FRMD3: variants seen among roughly 807,000 people sequenced by gnomAD.
FRMD3 encodes the protein FERM domain-containing protein 3.
Under a neutral mutation model 70.2 loss-of-function variants are expected in FRMD3, and 33 were observed. That is an observed-to-expected ratio of 0.47 (90% CI 0.36 to 0.63). FRMD3 has a LOEUF of 0.63. FRMD3 is among the 20% of genes least tolerant of loss of function. FRMD3 has a pLI of 0.00. For synonymous variants in FRMD3, 279 were observed against 255.9 expected, an observed-to-expected ratio of 1.09 and a Z score of -0.86; for missense variants, 632 against 711.4, an observed-to-expected ratio of 0.89 and a Z score of 1.27.
chr9:83,407,488 C>G (rs901455914), intron 1 of FRMD3, among the ~76,000 whole-genome samples: 1 of 152,120 alleles, frequency 6.6e-6, no homozygotes. Flanking sequence ...TTTAAAAAGG[C>G]ATTCGGCTCC....
At chr9:83,453,909 G>T (rs959455958) in intron 1 of FRMD3, among the ~76,000 whole-genome samples, 3 of 151,790 alleles carry the variant, frequency 2.0e-5, no homozygotes, top group Non-Finnish European at 2.9e-5. Context: ...TAGAGACGGG[G>T]TTTTGCCGTG....
chr9:83,331,927 A>G, intron 6 of FRMD3: 1 of 715,012 alleles, frequency 1.4e-6, no homozygotes, highest in Non-Finnish European at 2.6e-6. Flanking sequence ...GAGAGTTGTA[A>G]GCAGAAGTGC....
chr9:83,505,443 G>A (rs1829160681), intron 1 of FRMD3, among the ~76,000 whole-genome samples: 1 of 152,132 alleles, frequency 6.6e-6, no homozygotes, highest in Non-Finnish European at 1.5e-5. Flanking sequence ...GGGCCGTTTT[G>A]TTTACTAAGA....
At chr9:83,350,213 G>A (rs541983661) in intron 3 of FRMD3, among the ~76,000 whole-genome samples, 7 of 152,312 alleles carry the variant, frequency 4.6e-5, no homozygotes, top group Admixed American at 4.6e-4. Context: ...TTCCCAAAAT[G>A]ATGGTGTCTC....
chr9:83,456,360 G>A (rs2131427228), intron 1 of FRMD3, among the ~76,000 whole-genome samples: 1 of 152,286 alleles, frequency 6.6e-6, no homozygotes, highest in African/African-American at 2.4e-5. Flanking sequence ...CAGTGCTGCT[G>A]TGAAGCCTCC....
intron 1 of FRMD3, among the ~76,000 whole-genome samples, chr9:83,460,021 C>A (rs933811104): frequency 6.6e-6 from 1 of 152,208 alleles, no homozygotes; most frequent in Non-Finnish European, 1.5e-5. Flanking sequence ...AGGGCCCCAC[C>A]CTCAGGACCT....
At chr9:83,410,813 T>C (rs982768003) in intron 1 of FRMD3, among the ~76,000 whole-genome samples, 1 of 152,192 alleles carries the variant, frequency 6.6e-6, no homozygotes, top group African/African-American at 2.4e-5. Context: ...CCAGCATCTG[T>C]TGTTTTTGAC....
intron 1 of FRMD3, among the ~76,000 whole-genome samples, chr9:83,517,669 C>T (rs1351917085): frequency 4.6e-5 from 7 of 152,104 alleles, no homozygotes; most frequent in Admixed American, 6.6e-5. Context: ...TACATTAAAA[C>T]CTGGCAGAGA....
At chr9:83,447,312 C>T (rs1460805457) in intron 1 of FRMD3, among the ~76,000 whole-genome samples, 1 of 152,156 alleles carries the variant, frequency 6.6e-6, no homozygotes, top group Admixed American at 6.5e-5. Flanking sequence ...CGTGAGCCAC[C>T]GCGCCCGGCC....
chr9:83,561,911 C>A, the FRMD3 span, among the ~76,000 whole-genome samples: 1 of 152,316 alleles, frequency 6.6e-6, no homozygotes, highest in African/African-American at 2.4e-5. Flanking sequence ...CTAAGCTGCA[C>A]CACAATTCAC....
intron 11 of FRMD3, 68 bp downstream of exon 11, chr9:83,299,044 C>T (rs1204684407): frequency 1.7e-6 from 2 of 1,205,286 alleles, no homozygotes; most frequent in Admixed American, 1.7e-5. Flanking sequence ...TATTTGCAAG[C>T]AGAATTTTGA....
At chr9:83,496,736 A>G (rs1295405293) in intron 1 of FRMD3, among the ~76,000 whole-genome samples, 1 of 152,206 alleles carries the variant, frequency 6.6e-6, no homozygotes, top group Non-Finnish European at 1.5e-5. Flanking sequence ...GTTCTTATGA[A>G]TGAACACTGT....
chr9:83,414,058 C>T (rs532259884), intron 1 of FRMD3, among the ~76,000 whole-genome samples: 3 of 152,116 alleles, frequency 2.0e-5, no homozygotes, highest in South Asian at 4.1e-4. Context: ...ATAAAATTCA[C>T]GCAACACACA....
At chr9:83,498,979 T>G (rs74835320) in intron 1 of FRMD3, among the ~76,000 whole-genome samples, 1 of 152,120 alleles carries the variant, frequency 6.6e-6, no homozygotes, top group Non-Finnish European at 1.5e-5. Context: ...GTTTGCAAAA[T>G]GAGTATGTTA....
rs2131299722 is a variant in FRMD3 at position 83,391,145 on chromosome 9, TTTTGAG to T, written c.148-1443_148-1438del. Among the ~76,000 whole-genome samples, 2 of 152,352 alleles carry T rather than the reference TTTTGAG, an allele frequency of 1.3e-5. 1 individual carries two copies. Among genetic ancestry groups the T allele is most frequent in the Admixed American group, 1.3e-4 (2 of 15,302 alleles). On this transcript the variant is annotated intron_variant, in intron 1 of 13. Transcript: ENST00000304195. ...GAAACCTCCATTTTCCTGAAATCAC[TTTTGAG>T]TTTGATTTTGAATAAGCTTCAAGTT... is the stretch of plus-strand genomic sequence containing the variant.
At chr9:83,243,291 G>A (rs936687178), downstream of FRMD3, 29 of 1,418,686 alleles carry the variant, frequency 2.0e-5, no homozygotes, top group Non-Finnish European at 2.7e-5. Flanking sequence ...AGTAAGCAGC[G>A]ACCTTCAGCA....
At chr9:83,339,427 G>C (rs1337451641) in intron 5 of FRMD3, among the ~76,000 whole-genome samples, 1 of 152,180 alleles carries the variant, frequency 6.6e-6, no homozygotes, top group East Asian at 1.9e-4. Context: ...TGGAGGCCCT[G>C]CGGTTTGAAA....
intron 13 of FRMD3, among the ~76,000 whole-genome samples, chr9:83,261,484 A>C (rs12339855): frequency 6.6e-6 from 1 of 152,026 alleles, no homozygotes; most frequent in East Asian, 1.9e-4. Flanking sequence ...CAGATCACTC[A>C]ACCTCTGAGG....
the FRMD3 span, among the ~76,000 whole-genome samples, chr9:83,568,658 GAGAAT>G: frequency 0.16 from 24,900 of 151,968 alleles, 2,321 homozygotes; most frequent in Non-Finnish European, 0.21. Context: ...GAAGGGAATG[GAGAAT>G]TACTGATCAA....
Sources: allele counts gnomAD v4.1 joint callset (sites outside exome capture counted in the v4.1 genomes callset), GRCh38; gene constraint gnomAD v4.1.1; transcripts MANE v1.5; gene names NCBI Gene and HGNC (gene_info 2026-07-23, HGNC 2026-07-21).